The following TP53BP2 variants were observed in gnomAD, a reference collection of about 807,000 sequenced individuals.
TP53BP2 encodes the protein apoptosis-stimulating of p53 protein 2.
In TP53BP2, 62 loss-of-function variants were observed where a neutral mutation model predicts 126.2. The ratio of observed to expected loss-of-function variants is 0.49; its 90% CI spans 0.40 to 0.61. The LOEUF is 0.61. Among genes scored for constraint, TP53BP2 ranks in the 20% least tolerant of loss-of-function variants. The pLI, the probability that TP53BP2 is intolerant of heterozygous loss-of-function variation, is 0.00. For synonymous variants in TP53BP2, 485 were observed against 502.9 expected, an observed-to-expected ratio of 0.96 and a Z score of 0.48; for missense variants, 1,215 against 1,402.8, an observed-to-expected ratio of 0.87 and a Z score of 2.14.
At position 223,816,002 on chromosome 1, in the gene TP53BP2, G is replaced by A. The variant is rs1049148371; in HGVS notation, c.176-1649C>T. Among the ~76,000 whole-genome samples the A allele has an allele frequency of 5.9e-5, 9 of 152,154 alleles. 1 individual carries two copies. Among genetic ancestry groups the A allele is most frequent in the African/African-American group, 9.7e-5 (4 of 41,418 alleles). On this transcript the variant is annotated intron_variant, in intron 2 of 17. Transcript: ENST00000343537. The stretch of plus-strand genomic sequence containing the variant: ...CACCTAATGACAAATTTCTCGGCAC[G>A]TATCACCATTATTGACACATGACTG...
chr1:223,792,299 A>G, intron 15 of TP53BP2, 90 bp downstream of exon 15: 2 of 1,431,828 alleles, frequency 1.4e-6, no homozygotes, highest in Non-Finnish European at 1.9e-6. Flanking sequence ...TAACTGACAT[A>G]CTTCTTTGTC....
Position 223,789,163 on chromosome 1 carries a change from T to C in TP53BP2, c.3008A>G (p.His1003Arg). The change falls in exon 16 of 18, where the codon CAT becomes CGT. Residue 1003 changes from histidine (H) to arginine (R), a missense_variant. Coordinates refer to ENST00000343537, the MANE Select transcript of TP53BP2 (RefSeq NM_001031685.3). The part of the protein sequence containing the change: ...AADSDGWTPL[H>R]CAASCNNVQV... The stretch of plus-strand genomic sequence containing the variant: ...GACGTTGTTACATGAGGCAGCACAA[T>C]GTAATGGAGTCCTGTGAAGCAAGAT... 6.2e-7 allele frequency: 1 copy of C among 1,614,142 alleles called. No individual in the cohort carries two copies. Among genetic ancestry groups the C allele is most frequent in the Non-Finnish European group, 8.5e-7 (1 of 1,179,992 alleles).
At chr1:223,837,540 T>C (rs1178421371) in intron 1 of TP53BP2, among the ~76,000 whole-genome samples, 1 of 152,162 alleles carries the variant, frequency 6.6e-6, no homozygotes, top group African/African-American at 2.4e-5. Flanking sequence ...ACTAAAACAA[T>C]TTATTAGAGC....
intron 1 of TP53BP2, among the ~76,000 whole-genome samples, chr1:223,837,483 G>C (rs1318024423): frequency 1.3e-5 from 2 of 152,008 alleles, no homozygotes; most frequent in African/African-American, 4.8e-5. Context: ...TCCAACCCCG[G>C]GTAAGTGCTA....
At chr1:223,818,041 T>C (rs1312825428) in intron 2 of TP53BP2, among the ~76,000 whole-genome samples, 1 of 152,032 alleles carries the variant, frequency 6.6e-6, no homozygotes, top group Non-Finnish European at 1.5e-5. Flanking sequence ...TATGCTACTG[T>C]TTACATAAAG....
intron 4 of TP53BP2, among the ~76,000 whole-genome samples, chr1:223,808,212 G>T (rs1662786853): frequency 6.6e-6 from 1 of 152,172 alleles, no homozygotes; most frequent in South Asian, 2.1e-4. Context: ...TATACAATTA[G>T]ATATTCATAT....
Position 223,795,829 on chromosome 1 carries a change from C to A in TP53BP2, c.2710G>T (p.Val904Phe). Reference protein sequence around the residue: ...SMRPPEITGQVSLPPGKRTNL... With the variant: ...SMRPPEITGQFSLPPGKRTNL... The stretch of plus-strand genomic sequence containing the variant: ...ACATTACTTACAGGAGGCAGAGAGA[C>A]CTGCCCGGTGATTTCAGGCGGGCGC... The change falls in exon 13 of 18, where the codon GTC (valine) becomes TTC (phenylalanine). Residue 904 changes from valine to phenylalanine, a missense_variant. Physicochemically the swap from Val to Phe is conservative, Grantham distance 50. Around this residue, in one of 4 missense-constraint regions of TP53BP2, gnomAD observed 204 missense variants for 225.7 expected, o/e 0.90. Coordinates refer to ENST00000343537, the MANE Select transcript of TP53BP2 (RefSeq NM_001031685.3). 1 of 1,547,934 alleles carries A rather than the reference C, an allele frequency of 6.5e-7. No individual in the cohort carries two copies. The highest frequency in any genetic ancestry group is 8.7e-7 in the Non-Finnish European group (1 of 1,148,244).
chr1:223,832,193 G>A (rs568861808), intron 1 of TP53BP2, among the ~76,000 whole-genome samples: 3 of 152,300 alleles, frequency 2.0e-5, no homozygotes, highest in African/African-American at 4.8e-5. Flanking sequence ...GGGAAATTAC[G>A]CTCTACAACA....
chr1:223,795,624 G>C (rs536410287), intron 13 of TP53BP2, among the ~76,000 whole-genome samples, 191 bp downstream of exon 13: 1 of 152,038 alleles, frequency 6.6e-6, no homozygotes, highest in African/African-American at 2.4e-5. Flanking sequence ...CAAATAAATG[G>C]GTTCTCTCTA....
Position 223,845,643 on chromosome 1 carries a change from C to T in TP53BP2, c.27+11G>A. On this transcript the variant is annotated intron_variant, in intron 1 of 17. Transcript: ENST00000343537. ...TTCCGGGCCCGACGCCCTGGCCGCT[C>T]GCCCACTTACCGGCATCATCTTGGA... is the stretch of plus-strand genomic sequence containing the variant. 2.6e-6 allele frequency: 4 copies of T among 1,552,606 alleles called. No homozygotes were observed. Among genetic ancestry groups the T allele is most frequent in the Non-Finnish European group, 3.5e-6 (4 of 1,157,860 alleles).
intron 1 of TP53BP2, among the ~76,000 whole-genome samples, chr1:223,844,527 G>C (rs1664207280): frequency 6.6e-6 from 1 of 152,158 alleles, no homozygotes; most frequent in African/African-American, 2.4e-5. Context: ...CTACAAACCT[G>C]ATTTCATAAC....
chr1:223,803,062 C>T, intron 7 of TP53BP2, 167 bp from the exon 8 acceptor site: 1 of 886,970 alleles, frequency 1.1e-6, no homozygotes, highest in Non-Finnish European at 1.7e-6. Context: ...TGTGCAAGAC[C>T]ACCAGCTGTG....
Position 223,793,453 on chromosome 1 carries a change from T to C in TP53BP2, c.2725-13A>G, listed in dbSNP as rs1489753347. 1 of 1,555,862 alleles carries C rather than the reference T, an allele frequency of 6.4e-7. No homozygotes were observed. Among genetic ancestry groups the C allele is most frequent in the Admixed American group, 2.1e-5 (1 of 48,380 alleles). On this transcript the variant is annotated splice_polypyrimidine_tract_variant and intron_variant, in intron 13 of 17. Transcript: ENST00000343537. ...TTGTCCTTTTACCCTGCAAAGAAAA[T>C]GGGTGGAAAATTTAGGATCCTCGTC...
intron 1 of TP53BP2, among the ~76,000 whole-genome samples, chr1:223,841,561 TTG>T (rs1414054948): frequency 2.0e-5 from 3 of 152,242 alleles, no homozygotes; most frequent in African/African-American, 4.8e-5. Context: ...ACAATTTTGG[TTG>T]TGTTTTGTGC....
chr1:223,780,868 T>C lies in TP53BP2; in HGVS notation c.3390A>G (p.Gln1130=). The C allele has an allele frequency of 6.2e-7, 1 of 1,613,840 alleles. No homozygotes were observed. The highest frequency in any genetic ancestry group is 8.5e-7 in the Non-Finnish European group (1 of 1,179,958). Reference sequence around the variant, plus strand: ...TGTGGAAGTTTCAGGCCAAGCTCCTTTGTCTTGGTTTAATTCTTGGGTACA... The same window carrying C: ...TGTGGAAGTTTCAGGCCAAGCTCCTCTGTCTTGGTTTAATTCTTGGGTACA... The part of the protein sequence containing the change: ...LGLYPRIKPR[Q]RSLA The change falls in exon 18 of 18, where the codon CAA becomes CAG. Residue 1130 remains glutamine, a synonymous_variant. Coordinates refer to ENST00000343537, the MANE Select transcript of TP53BP2 (RefSeq NM_001031685.3).
At position 223,796,114 on chromosome 1, in the gene TP53BP2, G is replaced by A; in HGVS notation, c.2425C>T (p.Leu809=). Residue 809 remains leucine (L), a synonymous_variant, in exon 13 of 18, where the codon CTG becomes TTG. Coordinates refer to ENST00000343537, the MANE Select transcript of TP53BP2 (RefSeq NM_001031685.3). The surrounding 1 kb of genome is among the most constrained non-coding windows in gnomAD (Gnocchi z 4.2). ...TCTGGGGACAATGATTCAGGAACCA[G>A]AGAGACCACCTCCTTTTCGGGCTCC... The part of the protein sequence containing the change: ...HVEPEKEVVS[L]VPESLSPEDV... The A allele has an allele frequency of 1.2e-6, 2 of 1,614,182 alleles. No homozygotes were observed. The highest frequency in any genetic ancestry group is 1.7e-6 in the Non-Finnish European group (2 of 1,180,028).
intron 1 of TP53BP2, among the ~76,000 whole-genome samples, chr1:223,832,328 A>T (rs1210541450): frequency 1.3e-5 from 2 of 152,348 alleles, no homozygotes; most frequent in East Asian, 3.9e-4. Context: ...AAATTTTGCA[A>T]CTCACAAGAA....
intron 10 of TP53BP2, among the ~76,000 whole-genome samples, chr1:223,800,277 T>C (rs954960675): frequency 6.6e-5 from 10 of 152,138 alleles, no homozygotes; most frequent in Non-Finnish European, 1.3e-4. Flanking sequence ...ATTGTCCCTA[T>C]TGTTAACACA....
At chr1:223,836,259 A>C (rs1335749485) in intron 1 of TP53BP2, among the ~76,000 whole-genome samples, 1 of 152,230 alleles carries the variant, frequency 6.6e-6, no homozygotes, top group African/African-American at 2.4e-5. Context: ...GGCAATATGC[A>C]AGAGTGGAGA....
Sources: allele counts gnomAD v4.1 joint callset (sites outside exome capture counted in the v4.1 genomes callset), GRCh38; gene constraint gnomAD v4.1.1; regional missense constraint gnomAD v4.1.1; non-coding constraint Gnocchi (gnomAD v3.1); transcripts MANE v1.5; gene names NCBI Gene and HGNC (gene_info 2026-07-23, HGNC 2026-07-21).